The following SND1 variants were observed in gnomAD, a reference collection of about 807,000 sequenced individuals.
The protein encoded by SND1 is staphylococcal nuclease domain-containing protein 1.
SND1 carries 38 observed loss-of-function variants against 121.7 expected under a neutral mutation model. The ratio of observed to expected loss-of-function variants is 0.31; its 90% CI spans 0.24 to 0.41. The LOEUF is 0.41. Ranked by LOEUF, SND1 falls within the 10% of genes least tolerant of loss-of-function variation. SND1 has a pLI of 1.00. For missense variants in SND1, 868 were observed against 1,184.6 expected (o/e 0.73, Z 3.92); for synonymous variants, 401 against 447.4 (o/e 0.90, Z 1.31).
intron 10 of SND1, among the ~76,000 whole-genome samples, chr7:127,770,293 A>C (rs958003455): frequency 2.6e-5 from 4 of 152,254 alleles, no homozygotes; most frequent in Non-Finnish European, 2.9e-5. Context: ...TGAAATACAA[A>C]TAAATACAAT....
chr7:128,030,709 G>C (rs1203560001), intron 16 of SND1: 5 of 1,499,840 alleles, frequency 3.3e-6, no homozygotes, highest in Non-Finnish European at 4.5e-6. Context: ...GCCCTACCCC[G>C]GCTTAAGTGA....
At chr7:127,656,380 T>TGG (rs1271584461) in intron 1 of SND1, among the ~76,000 whole-genome samples, 1 of 151,280 alleles carries the variant, frequency 6.6e-6, no homozygotes, top group Non-Finnish European at 1.5e-5. Flanking sequence ...TGGAGTGCAG[T>TGG]GGCGCTATCT....
intron 10 of SND1, among the ~76,000 whole-genome samples, chr7:127,756,927 A>G (rs1456060545): frequency 6.6e-6 from 1 of 152,206 alleles, no homozygotes; most frequent in Non-Finnish European, 1.5e-5. Flanking sequence ...TTTTTAAAAT[A>G]CTTTTTAAAT....
Position 128,092,210 on chromosome 7 carries a change from G to A in SND1, c.*152G>A, listed in dbSNP as rs1793793921. On this transcript the variant is annotated 3_prime_UTR_variant, in exon 24 of 24. Coordinates refer to ENST00000354725, the MANE Select transcript of SND1 (RefSeq NM_014390.4). The surrounding 1 kb of genome is among the most constrained non-coding windows in gnomAD (Gnocchi z 4.9). Reference sequence around the variant, plus strand: ...GAAATGTCTCGTGGGGTGGCATCGGGGCTGCGGGGTGGGGACCCCAAGGCT... The same window carrying A: ...GAAATGTCTCGTGGGGTGGCATCGGAGCTGCGGGGTGGGGACCCCAAGGCT... 6 of 810,704 alleles carry A rather than the reference G, an allele frequency of 7.4e-6. No individual in the cohort carries two copies. In the East Asian group the frequency reaches 1.6e-4, roughly 22 times the overall value. The allele number at this position is 810,704 out of a possible 1,614,324, so 50.2% of individuals were successfully genotyped here. A position where few individuals can be genotyped will look rare whatever the true frequency, so the allele number is the denominator to read the frequency against.
intron 19 of SND1, 42 bp downstream of exon 19, chr7:128,084,889 C>G (rs373160532): frequency 1.3e-6 from 2 of 1,564,318 alleles, no homozygotes; most frequent in African/African-American, 2.7e-5. Context: ...TGAGCAGGAA[C>G]GATAGCAGGG....
At chr7:127,846,726 T>A (rs1478001656) in intron 12 of SND1, among the ~76,000 whole-genome samples, 1 of 152,174 alleles carries the variant, frequency 6.6e-6, no homozygotes, top group Non-Finnish European at 1.5e-5. Context: ...TAACTGATAA[T>A]TTTATTCTGT....
intron 17 of SND1, among the ~76,000 whole-genome samples, chr7:128,078,775 A>G (rs1488996723): frequency 6.6e-6 from 1 of 152,230 alleles, no homozygotes; most frequent in Non-Finnish European, 1.5e-5. Flanking sequence ...CCCCAAGCCA[A>G]AGGAGCAGGG....
chr7:127,728,413 C>T (rs779910176), intron 10 of SND1, among the ~76,000 whole-genome samples: 4 of 152,198 alleles, frequency 2.6e-5, no homozygotes, highest in African/African-American at 7.2e-5. Flanking sequence ...TTCTCAGTCT[C>T]GTGAGCTGCA....
chr7:127,968,002 C>T (rs1290291047), intron 15 of SND1, among the ~76,000 whole-genome samples: 1 of 152,174 alleles, frequency 6.6e-6, no homozygotes, highest in Non-Finnish European at 1.5e-5. Context: ...TTGCTCTTAC[C>T]TCCATTTAAC....
intron 10 of SND1, among the ~76,000 whole-genome samples, chr7:127,732,792 T>C (rs1796702773): frequency 6.6e-6 from 1 of 152,214 alleles, no homozygotes; most frequent in African/African-American, 2.4e-5. Flanking sequence ...AATCTCTAAA[T>C]CTGTAGTTTG....
chr7:128,028,549 G>T, intron 16 of SND1: 9 of 831,806 alleles, frequency 1.1e-5, no homozygotes, highest in South Asian at 4.9e-5. Context: ...AATATAATCT[G>T]TTTTTTTTAA....
chr7:128,038,923 A>T (rs1792801355), intron 16 of SND1, among the ~76,000 whole-genome samples: 1 of 152,200 alleles, frequency 6.6e-6, no homozygotes, highest in Non-Finnish European at 1.5e-5. Context: ...AGATTATGTT[A>T]TTGATTTGCT....
At chr7:127,719,224 T>C (rs1041640065) in intron 9 of SND1, among the ~76,000 whole-genome samples, 1 of 152,226 alleles carries the variant, frequency 6.6e-6, no homozygotes, top group Non-Finnish European at 1.5e-5. Flanking sequence ...AGCTGGGGTC[T>C]TTCTTTTTGG....
chr7:127,674,365 G>A (rs971651607), intron 1 of SND1, among the ~76,000 whole-genome samples: 20 of 152,138 alleles, frequency 1.3e-4, no homozygotes, highest in African/African-American at 3.6e-4. Flanking sequence ...TAAAAAACAA[G>A]GGTTTACTTC....
intron 1 of SND1, among the ~76,000 whole-genome samples, chr7:127,653,166 A>G (rs772207725): frequency 1.3e-4 from 20 of 152,368 alleles, no homozygotes; most frequent in Non-Finnish European, 2.8e-4. Flanking sequence ...TCTAGTGCTC[A>G]TAGCACTATA....
At chr7:128,063,903 T>C (rs1584769035) in intron 16 of SND1, among the ~76,000 whole-genome samples, 1 of 152,168 alleles carries the variant, frequency 6.6e-6, no homozygotes, top group African/African-American at 2.4e-5. Context: ...AGCAAAATAA[T>C]GAAGGCCACA....
chr7:128,066,319 G>T (rs531303728), intron 16 of SND1, among the ~76,000 whole-genome samples: 1 of 152,224 alleles, frequency 6.6e-6, no homozygotes, highest in Non-Finnish European at 1.5e-5. Flanking sequence ...CCTCTTGCTG[G>T]TGTGCCAGCC....
At chr7:127,672,093 G>C (rs896576804) in intron 1 of SND1, among the ~76,000 whole-genome samples, 4 of 152,100 alleles carry the variant, frequency 2.6e-5, no homozygotes, top group Non-Finnish European at 4.4e-5. Flanking sequence ...TGATTTGGGG[G>C]TTACAAATAT....
intron 15 of SND1, among the ~76,000 whole-genome samples, chr7:127,974,369 G>C (rs544515530): frequency 6.6e-6 from 1 of 152,178 alleles, no homozygotes; most frequent in South Asian, 2.1e-4. Flanking sequence ...TTGAAGATTC[G>C]TTCATGCTCC....
Sources: gnomAD v4.1 joint callset for allele counts (sites outside exome capture counted in the v4.1 genomes callset) on GRCh38, gnomAD v4.1.1 for gene constraint, Gnocchi (gnomAD v3.1) non-coding constraint, MANE v1.5 for transcripts, NCBI Gene and HGNC (gene_info 2026-07-23, HGNC 2026-07-21) for gene names.